Variants in KANK1 observed in about 807,000 individuals in gnomAD.
KANK1 encodes KN motif and ankyrin repeat domains 1, also known as KN motif and ankyrin repeat domain-containing protein 1.
A neutral mutation model predicts 106.2 loss-of-function variants in KANK1; 109 were observed. That is an observed-to-expected ratio of 1.03 (90% CI 0.88 to 1.20). The LOEUF is 1.20. Among genes scored for constraint, KANK1 ranks in the 50% most tolerant of loss-of-function variants. The pLI is 0.00. For synonymous variants in KANK1, 873 were observed against 652.2 expected, an observed-to-expected ratio of 1.34 and a Z score of -5.16; for missense variants, 2,399 against 1,710.7, an observed-to-expected ratio of 1.40 and a Z score of -7.10.
chr9:620,125 C>T (rs951623493), intron 1 of KANK1, among the ~76,000 whole-genome samples: 1 of 110,618 alleles, frequency 9.0e-6, no homozygotes. Context: ...GAGCAAGACT[C>T]CCATCTAAAA....
chr9:613,260 G>C (rs7046346), intron 1 of KANK1, among the ~76,000 whole-genome samples: 19,254 of 150,654 alleles, frequency 0.13, 2,396 homozygotes, highest in African/African-American at 0.33. Flanking sequence ...AGCACAAGTA[G>C]TCACCATATA....
intron 1 of KANK1, among the ~76,000 whole-genome samples, chr9:569,174 CCT>C (rs1818565802): frequency 6.8e-6 from 1 of 146,604 alleles, no homozygotes; most frequent in African/African-American, 2.4e-5. Flanking sequence ...TCCTGCCTCC[CCT>C]CTGTTTTATC....
intron 2 of KANK1, among the ~76,000 whole-genome samples, chr9:695,609 G>C (rs552041891): frequency 4.8e-5 from 7 of 146,042 alleles, no homozygotes; most frequent in Non-Finnish European, 7.5e-5. Flanking sequence ...CTGACTTCGT[G>C]GGGGGGGGGG....
chr9:583,810 C>T (rs1285545570), intron 1 of KANK1, among the ~76,000 whole-genome samples: 1 of 151,700 alleles, frequency 6.6e-6, no homozygotes, highest in Non-Finnish European at 1.5e-5. Context: ...AAGATGAACA[C>T]AGTAGTAGAA....
At chr9:744,166 C>T (rs770055762) in intron 10 of KANK1, among the ~76,000 whole-genome samples, 3 of 145,356 alleles carry the variant, frequency 2.1e-5, no homozygotes, top group Non-Finnish European at 4.5e-5. Flanking sequence ...CACACTACTG[C>T]TGCTTGCCTG....
rs1009231155 is a variant in KANK1, at chr9:523,619, C to T, written c.-84+18865C>T. Among the ~76,000 whole-genome samples the T allele has an allele frequency of 2.6e-5, 4 of 151,706 alleles. 1 individual carries two copies. The highest frequency in any genetic ancestry group is 9.8e-5 in the African/African-American group (4 of 41,014). On this transcript the variant is annotated intron_variant, in intron 1 of 11. Coordinates refer to ENST00000382297, the MANE Select transcript of KANK1 (RefSeq NM_015158.5). ...TTCTGTAGCCTCTCCTGTGCTCGCC[C>T]CCACCTCTGCTCTTCCACAGGTGTC...
At chr9:573,111 G>A (rs957544424) in intron 1 of KANK1, among the ~76,000 whole-genome samples, 1 of 152,138 alleles carries the variant, frequency 6.6e-6, no homozygotes, top group Non-Finnish European at 1.5e-5. Context: ...ATATGCTGCT[G>A]CAGTCAGTCA....
chr9:651,333 T>A (rs9407332), intron 1 of KANK1, among the ~76,000 whole-genome samples: 27,594 of 152,170 alleles, frequency 0.18, 2,763 homozygotes, highest in East Asian at 0.32. Context: ...GCTTCAAAAT[T>A]CCTGAAAAAT....
rs1554723180 is a variant in KANK1, at chr9:504,772, G to GCCTTGCCGCGCC, written c.-84+20_-84+21insTTGCCGCGCCCC. On this transcript the variant is annotated intron_variant, in intron 1 of 11. Transcript: ENST00000382297. ...GGCCGAAGGTGAGTGACGCGGCGGG[G>GCCTTGCCGCGCC]CCGTGCCGCGCCCCGTGCCGCGGCG... The GCCTTGCCGCGCC allele has an allele frequency of 6.7e-6, 1 of 148,290 alleles. No individual in the cohort carries two copies. The highest frequency in any genetic ancestry group is 2.5e-5 in the African/African-American group (1 of 40,228). The allele number at this position is 148,290 out of a possible 1,614,324, so 9.2% of individuals were successfully genotyped here.
chr9:740,860 G>C lies in KANK1; in HGVS notation c.3622G>C (p.Val1208Leu). The change falls in exon 9 of 12, where the codon GTG becomes CTG. Residue 1208 changes from valine (V) to leucine (L), a missense_variant. Val to Leu is a conservative substitution (Grantham distance 32). Coordinates refer to ENST00000382297, the MANE Select transcript of KANK1 (RefSeq NM_015158.5). The part of the protein sequence containing the change: ...TPIMLAALAA[V>L]EAEKDMRIVE... ...CATCATGTTGGCGGCCCTCGCCGCT[G>C]TGGAAGCAGAGAAGGACATGCGGAT... 1 of 1,614,080 alleles carries C rather than the reference G, an allele frequency of 6.2e-7. No homozygotes were observed. Among genetic ancestry groups the C allele is most frequent in the Non-Finnish European group, 8.5e-7 (1 of 1,180,024 alleles).
At chr9:633,231 C>G (rs2136873046) in intron 1 of KANK1, among the ~76,000 whole-genome samples, 1 of 152,120 alleles carries the variant, frequency 6.6e-6, no homozygotes, top group Middle Eastern at 3.4e-3. Flanking sequence ...CCGAGGCGGG[C>G]AGATCAGAAG....
chr9:644,569 C>A (rs147906571), intron 1 of KANK1, among the ~76,000 whole-genome samples: 2 of 150,542 alleles, frequency 1.3e-5, no homozygotes, highest in Non-Finnish European at 2.9e-5. Flanking sequence ...AGGTGCTACA[C>A]GCTTTTAAAT....
Position 711,254 on chromosome 9 carries a change from GA to G in KANK1, c.490del (p.Arg164AspfsTer11). 6.2e-7 allele frequency: 1 copy of G among 1,614,124 alleles called. No individual in the cohort carries two copies. Among genetic ancestry groups the G allele is most frequent in the Non-Finnish European group, 8.5e-7 (1 of 1,180,032 alleles). On this transcript the variant is annotated frameshift_variant, in exon 3 of 12. Coordinates refer to ENST00000382297, the MANE Select transcript of KANK1 (RefSeq NM_015158.5). LOFTEE classifies it high-confidence loss of function. ...ACCAAGACACTGATGGAGACCCGGA[GA>G]AGACTGGAACAGGAGAGAGCCACCA... is the stretch of plus-strand genomic sequence containing the variant. ...HVTKTLMETR[R>X]RLEQERATMQ...
chr9:645,870 C>A lies in KANK1; in HGVS notation c.-83-31020C>A, dbSNP rs1839563860. Among the ~76,000 whole-genome samples, 3 of 150,942 alleles carry A rather than the reference C, an allele frequency of 2.0e-5. 1 individual carries two copies. The highest frequency in any genetic ancestry group is 2.9e-5 in the Non-Finnish European group (2 of 68,038). On this transcript the variant is annotated intron_variant, in intron 1 of 11. Coordinates refer to ENST00000382297, the MANE Select transcript of KANK1 (RefSeq NM_015158.5). Reference sequence around the variant, plus strand: ...TATTATATATATATGACTTCATAGACACACATTGGTCTATACAACAAAAAC... The same window carrying A: ...TATTATATATATATGACTTCATAGAAACACATTGGTCTATACAACAAAAAC...
intron 1 of KANK1, among the ~76,000 whole-genome samples, chr9:654,746 T>G (rs1841716831): frequency 6.6e-6 from 1 of 152,106 alleles, no homozygotes; most frequent in Admixed American, 6.5e-5. Flanking sequence ...TTTCTGAGAA[T>G]TTCCTCAAGT....
intron 3 of KANK1, among the ~76,000 whole-genome samples, chr9:715,765 A>T (rs745542635): frequency 5.9e-5 from 9 of 152,198 alleles, no homozygotes; most frequent in Non-Finnish European, 1.3e-4. Flanking sequence ...AATGCACATC[A>T]TATTTGTGTT....
At chr9:714,158 C>G (rs1050648493) in intron 3 of KANK1, among the ~76,000 whole-genome samples, 6 of 152,076 alleles carry the variant, frequency 3.9e-5, no homozygotes, top group Non-Finnish European at 8.8e-5. Flanking sequence ...GTGAACAAAA[C>G]AGAACAGAGC....
intron 1 of KANK1, among the ~76,000 whole-genome samples, chr9:528,013 G>C (rs952990346): frequency 4.0e-5 from 6 of 151,888 alleles, no homozygotes; most frequent in Middle Eastern, 6.8e-3. Flanking sequence ...CGCCTGTATA[G>C]TCCCAGCTAC....
intron 2 of KANK1, among the ~76,000 whole-genome samples, chr9:703,887 C>T (rs1823333588): frequency 6.6e-6 from 1 of 151,794 alleles, no homozygotes; most frequent in African/African-American, 2.4e-5. Flanking sequence ...AAATTTTTTG[C>T]ATTTTTAGTA....
Sources: gnomAD v4.1 joint callset for allele counts (sites outside exome capture counted in the v4.1 genomes callset) on GRCh38, gnomAD v4.1.1 for gene constraint, MANE v1.5 for transcripts, NCBI Gene and HGNC (gene_info 2026-07-23, HGNC 2026-07-21) for gene names.